The following NEGR1 variants were observed in gnomAD, a reference collection of about 807,000 sequenced individuals.
The protein encoded by NEGR1 is neuronal growth regulator 1, also known as IgLON family member 4.
NEGR1 carries 10 observed loss-of-function variants against 40.9 expected under a neutral mutation model. The observed-to-expected ratio is 0.24, with a 90% confidence interval of 0.15 to 0.42. The LOEUF is 0.42. Ranked by LOEUF, NEGR1 falls within the 10% of genes least tolerant of loss-of-function variation. NEGR1 has a pLI of 1.00. For missense variants in NEGR1, 352 were observed against 438.9 expected (o/e 0.80, Z 1.77); for synonymous variants, 185 against 166.8 (o/e 1.11, Z -0.84).
intron 6 of NEGR1, among the ~76,000 whole-genome samples, chr1:71,440,993 CAG>C (rs1646543347): frequency 6.6e-6 from 1 of 151,286 alleles, no homozygotes; most frequent in Non-Finnish European, 1.5e-5. Context: ...AATTAAAAGA[CAG>C]AATTTATAGG....
intron 2 of NEGR1, among the ~76,000 whole-genome samples, chr1:71,862,338 G>C (rs1659975232): frequency 6.6e-6 from 1 of 152,028 alleles, no homozygotes; most frequent in Non-Finnish European, 1.5e-5. Flanking sequence ...CTGTTCTCAA[G>C]TTATCATCCC....
At chr1:72,177,761 T>A (rs976350007) in intron 1 of NEGR1, among the ~76,000 whole-genome samples, 2 of 122,806 alleles carry the variant, frequency 1.6e-5, no homozygotes, top group Non-Finnish European at 3.6e-5. Flanking sequence ...GAACACATAT[T>A]TTGTTTTTGT....
intron 1 of NEGR1, among the ~76,000 whole-genome samples, chr1:72,111,439 C>G (rs1017821745): frequency 6.6e-6 from 1 of 151,498 alleles, no homozygotes; most frequent in Non-Finnish European, 1.5e-5. Context: ...AGAAAAGTAT[C>G]TGAATATCAT....
intron 1 of NEGR1, among the ~76,000 whole-genome samples, chr1:72,227,387 G>A (rs1457665918): frequency 1.3e-5 from 2 of 151,956 alleles, no homozygotes; most frequent in East Asian, 3.9e-4. Flanking sequence ...GGTGGACTGA[G>A]ACAAAAGATG....
chr1:72,065,288 T>C (rs1213128253), intron 1 of NEGR1, among the ~76,000 whole-genome samples: 1 of 152,076 alleles, frequency 6.6e-6, no homozygotes, highest in Admixed American at 6.6e-5. Context: ...AATCTCCCAA[T>C]TTCTTCTTAA....
chr1:72,080,160 T>C (rs936995475), intron 1 of NEGR1, among the ~76,000 whole-genome samples: 1 of 152,180 alleles, frequency 6.6e-6, no homozygotes, highest in Non-Finnish European at 1.5e-5. Flanking sequence ...TTTGATGTTA[T>C]GAATATAATA....
intron 1 of NEGR1, among the ~76,000 whole-genome samples, chr1:72,052,561 G>A (rs373782388): frequency 3.2e-4 from 49 of 151,466 alleles, no homozygotes; most frequent in African/African-American, 9.7e-4. Context: ...GATGTCACAG[G>A]TGATGTATAC....
In NEGR1 at chr1:71,398,590, A is replaced by G. The variant is rs2101244997; in HGVS notation, c.*8856T>C. 2 of 152,374 alleles carry G rather than the reference A, an allele frequency of 1.3e-5. No homozygotes were observed. The highest frequency in any genetic ancestry group is 3.9e-4 in the East Asian group (2 of 5,178). The allele number at this position is 152,374 out of a possible 1,614,324, so 9.4% of individuals were successfully genotyped here. Reference sequence around the variant, plus strand: ...TTGCTTTTGATTTTACTGGCTGCTCATAGGCAGAAGAGACTTGCCTTGTCT... The same window carrying G: ...TTGCTTTTGATTTTACTGGCTGCTCGTAGGCAGAAGAGACTTGCCTTGTCT... On this transcript the variant is annotated 3_prime_UTR_variant, in exon 7 of 7. Transcript: ENST00000357731.
At chr1:72,067,998 G>A (rs1429957482) in intron 1 of NEGR1, among the ~76,000 whole-genome samples, 3 of 152,074 alleles carry the variant, frequency 2.0e-5, no homozygotes, top group East Asian at 1.9e-4. Context: ...ATACTGCAAA[G>A]GAAAATAAGC....
intron 1 of NEGR1, among the ~76,000 whole-genome samples, chr1:72,154,756 T>C (rs1651297774): frequency 6.6e-6 from 1 of 151,998 alleles, no homozygotes; most frequent in African/African-American, 2.4e-5. Context: ...ACAGGGCAAA[T>C]CTGAGCCTTG....
At chr1:71,709,841 G>A (rs1654021095) in intron 3 of NEGR1, among the ~76,000 whole-genome samples, 1 of 152,132 alleles carries the variant, frequency 6.6e-6, no homozygotes, top group Non-Finnish European at 1.5e-5. Context: ...TGCAAGCACA[G>A]GCAACCAAAG....
intron 6 of NEGR1, among the ~76,000 whole-genome samples, chr1:71,544,502 G>A (rs1250247569): frequency 1.3e-5 from 2 of 151,592 alleles, no homozygotes; most frequent in African/African-American, 2.4e-5. Context: ...AAAAAACAGG[G>A]AAAATAATAA....
At chr1:71,784,950 A>T (rs1656858092) in intron 2 of NEGR1, among the ~76,000 whole-genome samples, 1 of 152,210 alleles carries the variant, frequency 6.6e-6, no homozygotes, top group South Asian at 2.1e-4. Context: ...TATTTTGAAG[A>T]CAAAAACACA....
chr1:71,835,395 G>T (rs773982105), intron 2 of NEGR1, among the ~76,000 whole-genome samples: 2 of 152,032 alleles, frequency 1.3e-5, no homozygotes, highest in East Asian at 3.9e-4. Context: ...ACTCATTTTT[G>T]CAATCTACCA....
At chr1:71,758,001 CT>C (rs1237779969) in intron 3 of NEGR1, among the ~76,000 whole-genome samples, 2 of 151,902 alleles carry the variant, frequency 1.3e-5, no homozygotes, top group African/African-American at 4.8e-5. Flanking sequence ...TGTAATATCT[CT>C]TTTGTGTAAC....
chr1:71,898,943 ATT>A (rs1661055361), intron 2 of NEGR1, among the ~76,000 whole-genome samples: 1 of 131,202 alleles, frequency 7.6e-6, no homozygotes, highest in African/African-American at 2.9e-5. Flanking sequence ...TATATAATAT[ATT>A]GCAAATATAT....
rs6696482 is a variant in NEGR1, at chr1:71,471,292, C to G, written c.941-63722G>C. Among the ~76,000 whole-genome samples, 326 of 152,260 alleles carry G rather than the reference C, an allele frequency of 2.1e-3. 1 individual carries two copies. The highest frequency in any genetic ancestry group is 7.5e-3 in the African/African-American group (313 of 41,566). On this transcript the variant is annotated intron_variant, in intron 6 of 6. Coordinates refer to ENST00000357731, the MANE Select transcript of NEGR1 (RefSeq NM_173808.3). ...CTCATCTCGAAATCCTCAAAATATTCTCTTGCTATGTTCACCAATCTTAAA... is the reference window on the plus strand; with the variant it reads ...CTCATCTCGAAATCCTCAAAATATTGTCTTGCTATGTTCACCAATCTTAAA...
chr1:71,590,786 C>A (rs575676541), intron 6 of NEGR1, among the ~76,000 whole-genome samples: 1 of 152,098 alleles, frequency 6.6e-6, no homozygotes, highest in Non-Finnish European at 1.5e-5. Context: ...TGCCTTGTAT[C>A]TGTAGAGGTT....
At chr1:72,012,726 T>G (rs1372289034) in intron 1 of NEGR1, among the ~76,000 whole-genome samples, 1 of 151,626 alleles carries the variant, frequency 6.6e-6, no homozygotes, top group African/African-American at 2.4e-5. Context: ...CTGCATATAT[T>G]TTTTCCAGAA....
Sources: allele counts gnomAD v4.1 joint callset (sites outside exome capture counted in the v4.1 genomes callset), GRCh38; gene constraint gnomAD v4.1.1; transcripts MANE v1.5; gene names NCBI Gene and HGNC (gene_info 2026-07-23, HGNC 2026-07-21).